KPNA3: variants seen among roughly 807,000 people sequenced by gnomAD.
KPNA3 encodes the protein karyopherin subunit alpha 3.
KPNA3 carries 13 observed loss-of-function variants against 73.8 expected under a neutral mutation model. That is an observed-to-expected ratio of 0.18 (90% CI 0.11 to 0.28). The LOEUF (loss-of-function observed/expected upper bound fraction) is 0.28, where lower values mean the gene tolerates loss of function less well. Ranked by LOEUF, KPNA3 falls within the 10% of genes least tolerant of loss-of-function variation. The pLI is 1.00. For synonymous variants in KPNA3, 186 were observed against 206.9 expected (o/e 0.90, Z 0.87); for missense variants, 360 against 618.1 (o/e 0.58, Z 4.43).
intron 9 of KPNA3, 21 bp downstream of exon 9, chr13:49,721,934 C>A (rs1566338155): frequency 2.0e-6 from 3 of 1,484,104 alleles, no homozygotes; most frequent in Non-Finnish European, 2.7e-6. Flanking sequence ...TACCATCTGG[C>A]CTTTACAATT....
intron 15 of KPNA3, among the ~76,000 whole-genome samples, chr13:49,705,135 G>C (rs940113764): frequency 6.6e-6 from 1 of 152,148 alleles, no homozygotes; most frequent in Non-Finnish European, 1.5e-5. Context: ...GAGGCAGGTG[G>C]ATCACTTGAG....
intron 6 of KPNA3, among the ~76,000 whole-genome samples, chr13:49,732,063 T>G (rs1196650486): frequency 1.1e-4 from 17 of 152,190 alleles, no homozygotes; most frequent in Admixed American, 1.1e-3. Context: ...TCAAACATTA[T>G]TTGGGTTGTT....
At position 49,770,679 on chromosome 13, in the gene KPNA3, C is replaced by T. The variant is rs79664456; in HGVS notation, c.69+21759G>A. Among the ~76,000 whole-genome samples, 26 of 151,786 alleles carry T rather than the reference C, an allele frequency of 1.7e-4. No homozygotes were observed. In the East Asian group the frequency reaches 4.8e-3, roughly 28 times the overall value. On this transcript the variant is annotated intron_variant, in intron 1 of 16. Transcript: ENST00000261667. ...TAGTTTTTACATGTATATCTTTAAT[C>T]AACTTTGAGTTGGTTTTTGCATACT...
At chr13:49,713,988 GC>G (rs1429159351) in intron 10 of KPNA3, among the ~76,000 whole-genome samples, 1 of 152,194 alleles carries the variant, frequency 6.6e-6, no homozygotes, top group Non-Finnish European at 1.5e-5. Context: ...ACAGGCATGA[GC>G]CAAAACGCCT....
intron 8 of KPNA3, 81 bp from the exon 9 acceptor site, chr13:49,722,205 G>A: frequency 1.1e-6 from 1 of 927,178 alleles, no homozygotes; most frequent in Non-Finnish European, 1.6e-6. Flanking sequence ...GCTCATGTGG[G>A]AACACTGACG....
rs755031069 is a variant in KPNA3 at position 49,792,450 on chromosome 13, G to A, written c.57C>T (p.Gly19=). 1 of 1,579,186 alleles carries A rather than the reference G, an allele frequency of 6.3e-7. No individual in the cohort carries two copies. Among genetic ancestry groups the A allele is most frequent in the South Asian group, 1.1e-5 (1 of 87,830 alleles). The change falls in exon 1 of 17, where the codon GGC becomes GGT. Residue 19 remains glycine, a synonymous_variant. Transcript: ENST00000261667. ...NHRIKSFKNK[G]RDVETMRRHR... is the part of the protein sequence containing the mutation. ...GAAGCACACTCACTTCCACATCGCG[G>A]CCCTTGTTCTTGAAGCTCTTGATGC...
At chr13:49,753,745 A>C (rs1954686577) in intron 1 of KPNA3, among the ~76,000 whole-genome samples, 1 of 152,158 alleles carries the variant, frequency 6.6e-6, no homozygotes, top group Non-Finnish European at 1.5e-5. Context: ...TTGTGAACTG[A>C]GCACGTGAGG....
At chr13:49,732,318 A>G in intron 6 of KPNA3, 53 bp downstream of exon 6, 1 of 881,868 alleles carries the variant, frequency 1.1e-6, no homozygotes, top group Non-Finnish European at 1.8e-6. Context: ...GTAATAATCC[A>G]AACTTTTAAG....
chr13:49,762,744 C>G (rs1243967947), intron 1 of KPNA3, among the ~76,000 whole-genome samples: 1 of 152,094 alleles, frequency 6.6e-6, no homozygotes, highest in Non-Finnish European at 1.5e-5. Context: ...CCGCAGGGTC[C>G]TCTGCCTAGG....
At chr13:49,733,068 C>A in intron 2 of KPNA3, 22 bp from the exon 3 acceptor site, 1 of 1,453,736 alleles carries the variant, frequency 6.9e-7, no homozygotes, top group Non-Finnish European at 9.6e-7. Flanking sequence ...CCAATAAATG[C>A]TTAAGAAGTC....
At chr13:49,791,640 C>A (rs988060002) in intron 1 of KPNA3, among the ~76,000 whole-genome samples, 5 of 152,150 alleles carry the variant, frequency 3.3e-5, no homozygotes, top group African/African-American at 1.2e-4. Context: ...GAAATTATCA[C>A]CCTATGCACA....
chr13:49,715,112 G>A (rs1476932863), intron 10 of KPNA3, among the ~76,000 whole-genome samples: 1 of 151,848 alleles, frequency 6.6e-6, no homozygotes, highest in Non-Finnish European at 1.5e-5. Flanking sequence ...AAAAAGGAAT[G>A]TATAGATATT....
intron 1 of KPNA3, among the ~76,000 whole-genome samples, chr13:49,789,972 A>T (rs1395322552): frequency 6.6e-6 from 1 of 151,794 alleles, no homozygotes; most frequent in African/African-American, 2.4e-5. Context: ...CATTTTCGGA[A>T]TACTATACTG....
chr13:49,786,824 A>C (rs1056686473), intron 1 of KPNA3, among the ~76,000 whole-genome samples: 1 of 152,218 alleles, frequency 6.6e-6, no homozygotes, highest in Non-Finnish European at 1.5e-5. Flanking sequence ...GAAGGATCAT[A>C]AACAGGAAAG....
intron 2 of KPNA3, among the ~76,000 whole-genome samples, chr13:49,734,888 A>C (rs928250166): frequency 2.7e-4 from 40 of 150,392 alleles, no homozygotes; most frequent in Non-Finnish European, 4.9e-4. Flanking sequence ...CTAATTTTGC[A>C]AATTTTGACT....
rs750022281 is a variant in KPNA3 at position 49,710,900 on chromosome 13, G to T, written c.894C>A (p.Val298=). Residue 298 remains valine (V), a synonymous_variant, in exon 11 of 17, where the codon GTC becomes GTA. Coordinates refer to ENST00000261667, the MANE Select transcript of KPNA3 (RefSeq NM_002267.4). The part of the protein sequence containing the change: ...FLVPLLSHQE[V]KVQTAALRAV... ...ATTTAAAAATACTTACTTGAACTTT[G>T]ACTTCCTGATGGCTCAGAAGGGGCA... 6.2e-7 allele frequency: 1 copy of T among 1,611,992 alleles called. No individual in the cohort carries two copies. Among genetic ancestry groups the T allele is most frequent in the East Asian group, 2.2e-5 (1 of 44,838 alleles).
At chr13:49,763,511 T>C (rs773239153) in intron 1 of KPNA3, among the ~76,000 whole-genome samples, 6 of 152,122 alleles carry the variant, frequency 3.9e-5, no homozygotes, top group South Asian at 2.1e-4. Context: ...CCAGAATTGA[T>C]AAAAAACAAT....
At chr13:49,757,272 A>G (rs1954719725) in intron 1 of KPNA3, among the ~76,000 whole-genome samples, 1 of 151,992 alleles carries the variant, frequency 6.6e-6, no homozygotes, top group African/African-American at 2.4e-5. Flanking sequence ...AAAAAAAAAA[A>G]ATTTGCAACC....
chr13:49,731,228 C>G (rs1297576860), intron 6 of KPNA3, among the ~76,000 whole-genome samples: 1 of 151,254 alleles, frequency 6.6e-6, no homozygotes, highest in Non-Finnish European at 1.5e-5. Flanking sequence ...GCATGTGCCA[C>G]CATGCCTGGC....
Sources: gnomAD v4.1 joint callset for allele counts (sites outside exome capture counted in the v4.1 genomes callset) on GRCh38, gnomAD v4.1.1 for gene constraint, MANE v1.5 for transcripts, NCBI Gene and HGNC (gene_info 2026-07-23, HGNC 2026-07-21) for gene names.